The following DENND5A variants were observed in gnomAD, a reference collection of about 807,000 sequenced individuals.
DENND5A encodes DENN domain-containing protein 5A.
In DENND5A, 64 loss-of-function variants were observed where a neutral mutation model predicts 140.3. That is an observed-to-expected ratio of 0.46 (90% CI 0.37 to 0.56). The LOEUF is 0.56. Ranked by LOEUF, DENND5A falls within the 20% of genes least tolerant of loss-of-function variation. The pLI, the probability that DENND5A is intolerant of heterozygous loss-of-function variation, is 0.00. For missense variants in DENND5A, 1,292 were observed against 1,593.8 expected, an observed-to-expected ratio of 0.81 and a Z score of 3.22; for synonymous variants, 605 against 607.7, an observed-to-expected ratio of 1.00 and a Z score of 0.07.
At chr11:9,194,425 C>T (rs374326752) in intron 4 of DENND5A, among the ~76,000 whole-genome samples, 1 of 151,846 alleles carries the variant, frequency 6.6e-6, no homozygotes, top group Non-Finnish European at 1.5e-5. Flanking sequence ...AAAAATTAGC[C>T]GGGCGTGGTG....
Position 9,206,765 on chromosome 11 carries a change from T to C in DENND5A, c.199A>G (p.Thr67Ala). 6.2e-7 allele frequency: 1 copy of C among 1,613,398 alleles called. No homozygotes were observed. The highest frequency in any genetic ancestry group is 8.5e-7 in the Non-Finnish European group (1 of 1,179,488). Reference protein sequence around the residue: ...STTEGENFEQTPLRRTFKSKV... With the variant: ...STTEGENFEQAPLRRTFKSKV... The stretch of plus-strand genomic sequence containing the variant: ...GATTTGAATGTTCTTCTCAATGGTG[T>C]CTGCTCAAAATTTTCTCCTGTAAGA... Residue 67 changes from threonine to alanine, a missense_variant, in exon 3 of 23, where the codon ACA (threonine) becomes GCA (alanine). Coordinates refer to ENST00000328194, the MANE Select transcript of DENND5A (RefSeq NM_015213.4).
rs1033476712 is a variant in DENND5A at position 9,235,521 on chromosome 11, G to C, written c.110-27889C>G. Among the ~76,000 whole-genome samples the C allele has an allele frequency of 2.0e-5, 3 of 151,220 alleles. No individual in the cohort carries two copies. The South Asian group carries it at 6.3e-4, about 32-fold the overall frequency. ...AAAAATACAAAAATTAGCTGGGCAC[G>C]ATGGCGGGCACCTGTAATCCCAGCT... On this transcript the variant is annotated intron_variant, in intron 1 of 22. Transcript: ENST00000328194.
intron 1 of DENND5A, among the ~76,000 whole-genome samples, chr11:9,229,890 C>T (rs1386024857): frequency 6.8e-6 from 1 of 146,160 alleles, no homozygotes; most frequent in Non-Finnish European, 1.5e-5. Flanking sequence ...TTTCTGAAAG[C>T]TCCCATTTCT....
chr11:9,255,588 T>G (rs1356240774), intron 1 of DENND5A, among the ~76,000 whole-genome samples: 1 of 138,380 alleles, frequency 7.2e-6, no homozygotes, highest in Non-Finnish European at 1.6e-5. Flanking sequence ...AAAAATTGAC[T>G]GGCGCAGTGG....
chr11:9,142,089 A>T lies in DENND5A; in HGVS notation c.3531T>A (p.Tyr1177Ter). 6.3e-7 allele frequency: 1 copy of T among 1,596,312 alleles called. No homozygotes were observed. The highest frequency in any genetic ancestry group is 1.1e-5 in the South Asian group (1 of 87,270). ...CTACTTCATTCTTCTCTAATGTCTC[A>T]TAATAGGTTTGTGCTTTTTCTGTGA... Reference protein sequence around the residue: ...WDFLEKAQTYYETLEKNEVVP... With the variant: ...WDFLEKAQTY Residue 1177 changes from tyrosine to a stop codon, truncating the protein, a stop_gained, in exon 22 of 23, where the codon TAT becomes TAA. Coordinates refer to ENST00000328194, the MANE Select transcript of DENND5A (RefSeq NM_015213.4). LOFTEE classifies it high-confidence loss of function.
In DENND5A at chr11:9,215,448, G is replaced by A. The variant is rs547709115; in HGVS notation, c.110-7816C>T. Among the ~76,000 whole-genome samples the A allele has an allele frequency of 2.0e-5, 3 of 152,200 alleles. No individual in the cohort carries two copies. In the South Asian group the frequency reaches 6.2e-4, roughly 32 times the overall value. On this transcript the variant is annotated intron_variant, in intron 1 of 22. Transcript: ENST00000328194. ...TGCCCTGCAGAGCACACATCTGTCA[G>A]GTAACACCTGGAACTCACATTATTT...
intron 1 of DENND5A, among the ~76,000 whole-genome samples, chr11:9,258,096 A>G (rs901350480): frequency 6.6e-6 from 1 of 152,094 alleles, no homozygotes; most frequent in African/African-American, 2.4e-5. Flanking sequence ...CCCGGTCTAC[A>G]CACAGTACAC....
chr11:9,255,543 C>G (rs187712570), intron 1 of DENND5A, among the ~76,000 whole-genome samples: 100 of 151,330 alleles, frequency 6.6e-4, no homozygotes, highest in African/African-American at 2.3e-3. Flanking sequence ...ACCAGCCTGG[C>G]CAACATGGTA....
At chr11:9,174,419 TG>T (rs1197957147) in intron 8 of DENND5A, among the ~76,000 whole-genome samples, 2 of 150,746 alleles carry the variant, frequency 1.3e-5, no homozygotes, top group Non-Finnish European at 2.9e-5. Flanking sequence ...AGATATGCCC[TG>T]TTAGCACTAG....
intron 8 of DENND5A, among the ~76,000 whole-genome samples, chr11:9,174,757 A>T (rs1848494215): frequency 6.7e-6 from 1 of 149,322 alleles, no homozygotes; most frequent in Non-Finnish European, 1.5e-5. Flanking sequence ...AACTAAAGCT[A>T]AAAACCATAT....
chr11:9,215,199 A>T (rs1371980687), intron 1 of DENND5A, among the ~76,000 whole-genome samples: 1 of 152,194 alleles, frequency 6.6e-6, no homozygotes, highest in Non-Finnish European at 1.5e-5. Flanking sequence ...TTGTATACAC[A>T]GCCATTATTT....
intron 11 of DENND5A, among the ~76,000 whole-genome samples, chr11:9,164,080 TTTTTTTTTTG>T (rs1361913172): frequency 2.9e-4 from 33 of 115,322 alleles, no homozygotes; most frequent in South Asian, 3.2e-4. Flanking sequence ...TTTTTTTTTT[TTTTTTTTTTG>T]AGAGAGGGTC....
rs1472881062 is a variant in DENND5A at position 9,166,799 on chromosome 11, T to C, written c.2152-832A>G. ...GTGAGCTGAGATCGCGCCACTGCAC[T>C]CTAGCCTGGGCGACAGAGCGAGACT... is the stretch of plus-strand genomic sequence containing the variant. On this transcript the variant is annotated intron_variant, in intron 10 of 22. Transcript: ENST00000328194. Among the ~76,000 whole-genome samples, 4 of 151,780 alleles carry C rather than the reference T, an allele frequency of 2.6e-5. No individual in the cohort carries two copies. The East Asian group carries it at 7.7e-4, about 29-fold the overall frequency.
In DENND5A at chr11:9,170,789, T is replaced by TACACACACAC; in HGVS notation, c.1907-22_1907-13dup. The TACACACACAC allele has an allele frequency of 6.3e-7, 1 of 1,581,916 alleles. No individual in the cohort carries two copies. Among genetic ancestry groups the TACACACACAC allele is most frequent in the South Asian group, 1.1e-5 (1 of 89,628 alleles). On this transcript the variant is annotated splice_polypyrimidine_tract_variant and intron_variant, in intron 8 of 22. Transcript: ENST00000328194. ...CTCAATTGCTTTCTCTGGATGAGAA[T>TACACACACAC]ACACACACACACACACACACACACA...
intron 5 of DENND5A, among the ~76,000 whole-genome samples, chr11:9,186,595 T>C (rs1848921250): frequency 6.6e-6 from 1 of 152,260 alleles, no homozygotes; most frequent in Non-Finnish European, 1.5e-5. Context: ...ATATAGAGTC[T>C]GTAAAGAATC....
intron 1 of DENND5A, among the ~76,000 whole-genome samples, chr11:9,220,929 T>C (rs1171377755): frequency 2.0e-5 from 3 of 147,782 alleles, no homozygotes; most frequent in African/African-American, 5.1e-5. Context: ...CACACACACA[T>C]AAATTAGCCA....
chr11:9,248,367 G>A (rs1383056546), intron 1 of DENND5A, among the ~76,000 whole-genome samples: 1 of 152,026 alleles, frequency 6.6e-6, no homozygotes, highest in East Asian at 1.9e-4. Flanking sequence ...GACTTAAAGG[G>A]AGGTTGGCCA....
chr11:9,205,849 A>G (rs927166027), intron 3 of DENND5A, among the ~76,000 whole-genome samples: 3 of 152,180 alleles, frequency 2.0e-5, no homozygotes, highest in Non-Finnish European at 4.4e-5. Context: ...GTGAGGCAAG[A>G]TCACACCACT....
intron 1 of DENND5A, among the ~76,000 whole-genome samples, chr11:9,207,838 C>G (rs561799856): frequency 1.3e-5 from 2 of 152,080 alleles, no homozygotes; most frequent in Non-Finnish European, 1.5e-5. Context: ...ATATTTCCTA[C>G]TCTATATCAT....
Sources: allele counts gnomAD v4.1 joint callset (sites outside exome capture counted in the v4.1 genomes callset), GRCh38; gene constraint gnomAD v4.1.1; transcripts MANE v1.5; gene names NCBI Gene and HGNC (gene_info 2026-07-23, HGNC 2026-07-21).